Variants in SCHIP1 observed in about 807,000 individuals in gnomAD.
SCHIP1 encodes schwannomin-interacting protein 1.
In SCHIP1, 8 loss-of-function variants were observed where a neutral mutation model predicts 29.7. The observed-to-expected ratio is 0.27, with a 90% confidence interval of 0.16 to 0.49. SCHIP1 has a LOEUF of 0.49. SCHIP1 is among the 20% of genes least tolerant of loss of function. SCHIP1 has a pLI of 0.99. For synonymous variants in SCHIP1, 76 were observed against 94.9 expected, an observed-to-expected ratio of 0.80 and a Z score of 1.16; for missense variants, 193 against 294.6, an observed-to-expected ratio of 0.66 and a Z score of 2.52.
chr3:159,790,757 A>G, the SCHIP1 span, among the ~76,000 whole-genome samples: 14 of 152,238 alleles, frequency 9.2e-5, no homozygotes, highest in East Asian at 2.3e-3. Context: ...AAATACTTAT[A>G]CATTTCATAT....
At chr3:159,637,727 C>T in the SCHIP1 span, among the ~76,000 whole-genome samples, 3 of 152,124 alleles carry the variant, frequency 2.0e-5, no homozygotes, top group Non-Finnish European at 4.4e-5. Context: ...TGAGAGTTAT[C>T]ATTGCATTAT....
the SCHIP1 span, among the ~76,000 whole-genome samples, chr3:159,572,934 GTT>G: frequency 0.031 from 4,329 of 140,200 alleles, 76 homozygotes; most frequent in Middle Eastern, 0.07. Context: ...GCAACCTCTG[GTT>G]TTTTTTTTTT....
the SCHIP1 span, among the ~76,000 whole-genome samples, chr3:159,811,959 G>GTT: frequency 8.1e-6 from 1 of 122,714 alleles, no homozygotes; most frequent in Non-Finnish European, 1.7e-5. Context: ...ATGTTTTGTA[G>GTT]TTTTTTTTGT....
the SCHIP1 span, among the ~76,000 whole-genome samples, chr3:159,684,922 G>A: frequency 0.18 from 26,787 of 151,508 alleles, 2,681 homozygotes; most frequent in Middle Eastern, 0.26. Context: ...TCCTCGAAAT[G>A]CAGCTGGATC....
At chr3:159,679,834 C>T in the SCHIP1 span, among the ~76,000 whole-genome samples, 1 of 152,082 alleles carries the variant, frequency 6.6e-6, no homozygotes, top group Non-Finnish European at 1.5e-5. Context: ...TGTCACTGGC[C>T]TCTGTGTTCT....
chr3:159,376,016 G>T, the SCHIP1 span, among the ~76,000 whole-genome samples: 5 of 152,092 alleles, frequency 3.3e-5, no homozygotes, highest in African/African-American at 1.2e-4. Context: ...CTTTGCAATT[G>T]TTCCATGAAT....
the SCHIP1 span, among the ~76,000 whole-genome samples, chr3:159,520,939 T>G: frequency 2.2e-4 from 34 of 152,370 alleles, no homozygotes; most frequent in Non-Finnish European, 4.7e-4. Flanking sequence ...TGACAAACCT[T>G]ATATGAACTG....
the SCHIP1 span, among the ~76,000 whole-genome samples, chr3:159,716,749 G>A: frequency 6.6e-6 from 1 of 152,148 alleles, no homozygotes; most frequent in Admixed American, 6.6e-5. Context: ...CAAGACCTTA[G>A]AGACCTACGA....
the SCHIP1 span, among the ~76,000 whole-genome samples, chr3:159,369,783 T>G: frequency 6.6e-6 from 1 of 152,154 alleles, no homozygotes; most frequent in African/African-American, 2.4e-5. Context: ...ATATTCAACA[T>G]ATGTAGAATG....
At chr3:159,635,915 G>C in the SCHIP1 span, among the ~76,000 whole-genome samples, 2 of 152,080 alleles carry the variant, frequency 1.3e-5, no homozygotes, top group African/African-American at 4.8e-5. Context: ...AAAGAGGAAA[G>C]TATACGCCTT....
chr3:159,360,857 T>G, the SCHIP1 span, among the ~76,000 whole-genome samples: 1 of 152,198 alleles, frequency 6.6e-6, no homozygotes, highest in Non-Finnish European at 1.5e-5. Flanking sequence ...TGCTGGAAAT[T>G]TGTAAGTAAG....
the SCHIP1 span, among the ~76,000 whole-genome samples, chr3:159,275,378 T>G: frequency 5.3e-5 from 8 of 152,176 alleles, no homozygotes; most frequent in African/African-American, 9.6e-5. Context: ...TTGCAGCCCC[T>G]GATGAACTTT....
At chr3:159,432,172 A>G in the SCHIP1 span, among the ~76,000 whole-genome samples, 1 of 152,024 alleles carries the variant, frequency 6.6e-6, no homozygotes, top group East Asian at 1.9e-4. Context: ...CTCTCACACA[A>G]CAGAAGTTAC....
chr3:159,774,663 C>T, the SCHIP1 span, among the ~76,000 whole-genome samples: 1 of 152,194 alleles, frequency 6.6e-6, no homozygotes. Flanking sequence ...TGATCCCAAC[C>T]AGTGTTTTGT....
At chr3:159,850,245 T>C (rs1265655626) in intron 1 of SCHIP1, among the ~76,000 whole-genome samples, 1 of 152,144 alleles carries the variant, frequency 6.6e-6, no homozygotes, top group African/African-American at 2.4e-5. Flanking sequence ...TATTAGTCCA[T>C]TGTTACACTG....
the SCHIP1 span, among the ~76,000 whole-genome samples, chr3:159,819,759 C>T: frequency 6.6e-6 from 1 of 152,200 alleles, no homozygotes; most frequent in Admixed American, 6.5e-5. Context: ...CTAGACCAGG[C>T]AGTGTATCTA....
chr3:159,625,806 C>T, the SCHIP1 span, among the ~76,000 whole-genome samples: 1 of 152,070 alleles, frequency 6.6e-6, no homozygotes, highest in African/African-American at 2.4e-5. Context: ...TCAAGCTTCA[C>T]GGCTTCCCTC....
the SCHIP1 span, among the ~76,000 whole-genome samples, chr3:159,785,852 T>G: frequency 6.6e-5 from 10 of 152,264 alleles, no homozygotes; most frequent in Non-Finnish European, 1.2e-4. Flanking sequence ...GGGCAGCTTA[T>G]ACTTTCATAG....
the SCHIP1 span, among the ~76,000 whole-genome samples, chr3:159,627,780 G>T: frequency 6.6e-6 from 1 of 152,224 alleles, no homozygotes; most frequent in African/African-American, 2.4e-5. Context: ...TGGAGGCCAA[G>T]ATCCCGAAGA....
Sources: allele counts gnomAD v4.1 joint callset (sites outside exome capture counted in the v4.1 genomes callset), GRCh38; gene constraint gnomAD v4.1.1; transcripts MANE v1.5; gene names NCBI Gene and HGNC (gene_info 2026-07-23, HGNC 2026-07-21).